The following CDH18 variants were observed in gnomAD, a reference collection of about 807,000 sequenced individuals.
CDH18 encodes the protein cadherin-18.
In CDH18, 31 loss-of-function variants were observed where a neutral mutation model predicts 67.9. The observed-to-expected ratio is 0.46, with a 90% CI of 0.34 to 0.62. The LOEUF (loss-of-function observed/expected upper bound fraction) is 0.62, where lower values mean the gene tolerates loss of function less well. CDH18 is among the 20% of genes least tolerant of loss of function. The pLI, the probability that CDH18 is intolerant of heterozygous loss-of-function variation, is 0.01. For missense variants in CDH18, 890 were observed against 975.5 expected (o/e 0.91, Z 1.17); for synonymous variants, 362 against 347.2 (o/e 1.04, Z -0.48).
chr5:19,593,707 C>CCTCCTCCTT, intron 6 of CDH18, among the ~76,000 whole-genome samples: 12 of 33,400 alleles, frequency 3.6e-4, no homozygotes, highest in African/African-American at 1.3e-3. Context: ...TCCTCCTCCT[C>CCTCCTCCTT]CTTCTTCTTC....
intron 2 of CDH18, among the ~76,000 whole-genome samples, chr5:20,105,206 T>C (rs1285459988): frequency 1.3e-5 from 2 of 152,036 alleles, no homozygotes; most frequent in Admixed American, 1.3e-4. Context: ...AGTCTGCTCT[T>C]GAACTCCTGA....
chr5:19,913,067 A>C (rs1204042371), intron 2 of CDH18, among the ~76,000 whole-genome samples: 1 of 152,168 alleles, frequency 6.6e-6, no homozygotes, highest in Non-Finnish European at 1.5e-5. Context: ...AGAAAGAAAG[A>C]ATCAAGAAAA....
chr5:20,467,743 C>T (rs926883545), intron 1 of CDH18, among the ~76,000 whole-genome samples: 1 of 151,992 alleles, frequency 6.6e-6, no homozygotes, highest in African/African-American at 2.4e-5. Flanking sequence ...GAAAGAAAAA[C>T]CTGAGAATAA....
At chr5:19,545,227 G>A (rs1454804266) in intron 8 of CDH18, among the ~76,000 whole-genome samples, 1 of 152,094 alleles carries the variant, frequency 6.6e-6, no homozygotes, top group Non-Finnish European at 1.5e-5. Context: ...TATGTGAAAA[G>A]TGCTAGGGAA....
chr5:20,479,560 T>A (rs971394844), intron 1 of CDH18, among the ~76,000 whole-genome samples: 2 of 151,708 alleles, frequency 1.3e-5, no homozygotes, highest in Non-Finnish European at 2.9e-5. Context: ...TATTTGAAAA[T>A]ACACAGAGGA....
chr5:20,518,539 G>T (rs1024544008), intron 1 of CDH18, among the ~76,000 whole-genome samples: 23 of 152,232 alleles, frequency 1.5e-4, no homozygotes, highest in African/African-American at 5.5e-4. Flanking sequence ...GCACACTGAG[G>T]AAGATGTCTG....
At chr5:20,173,857 G>C (rs1737029875) in intron 2 of CDH18, among the ~76,000 whole-genome samples, 1 of 152,070 alleles carries the variant, frequency 6.6e-6, no homozygotes, top group African/African-American at 2.4e-5. Flanking sequence ...TGAATTTAGA[G>C]AATATTACGA....
At chr5:20,438,366 A>G (rs1040479679) in intron 1 of CDH18, among the ~76,000 whole-genome samples, 1 of 151,286 alleles carries the variant, frequency 6.6e-6, no homozygotes, top group African/African-American at 2.4e-5. Flanking sequence ...AGGTATCTAT[A>G]TACCCCACAT....
intron 5 of CDH18, among the ~76,000 whole-genome samples, chr5:19,635,314 A>T (rs1251612971): frequency 6.6e-6 from 1 of 152,196 alleles, no homozygotes; most frequent in Non-Finnish European, 1.5e-5. Context: ...TGACATAGAT[A>T]CATCAGATAT....
intron 1 of CDH18, among the ~76,000 whole-genome samples, chr5:20,446,000 A>T (rs943052675): frequency 2.6e-5 from 4 of 152,010 alleles, no homozygotes; most frequent in Admixed American, 6.6e-5. Context: ...GAACGAAAGG[A>T]TGATGTTATT....
chr5:19,738,125 T>C (rs1207600934), intron 4 of CDH18, among the ~76,000 whole-genome samples: 2 of 152,154 alleles, frequency 1.3e-5, no homozygotes, highest in Non-Finnish European at 2.9e-5. Context: ...TTTTATTTAT[T>C]ACCTATTTAG....
intron 4 of CDH18, among the ~76,000 whole-genome samples, chr5:19,725,320 C>G (rs1329731472): frequency 6.6e-6 from 1 of 152,174 alleles, no homozygotes. Context: ...AGGTAGGCAT[C>G]TACGACTAAA....
chr5:20,347,605 G>A (rs193229523), intron 1 of CDH18, among the ~76,000 whole-genome samples: 9 of 152,330 alleles, frequency 5.9e-5, no homozygotes, highest in Admixed American at 2.0e-4. Context: ...GCTGCTCACA[G>A]GGACTGTCCC....
intron 2 of CDH18, among the ~76,000 whole-genome samples, chr5:20,133,404 G>A (rs796152632): frequency 2.1e-4 from 32 of 152,130 alleles, no homozygotes; most frequent in African/African-American, 7.0e-4. Flanking sequence ...TCACTATCAC[G>A]AGAACACCAT....
At chr5:19,498,431 A>C (rs1742698736) in intron 11 of CDH18, among the ~76,000 whole-genome samples, 1 of 152,194 alleles carries the variant, frequency 6.6e-6, no homozygotes, top group South Asian at 2.1e-4. Context: ...CACAAAGGGA[A>C]ACTGTTCCGT....
chr5:19,762,613 G>T (rs1772516406), intron 3 of CDH18, among the ~76,000 whole-genome samples: 1 of 152,140 alleles, frequency 6.6e-6, no homozygotes, highest in Non-Finnish European at 1.5e-5. Flanking sequence ...TGTTGGAGAG[G>T]ATGTGGAGAA....
At chr5:19,782,297 C>T (rs959911762) in intron 3 of CDH18, among the ~76,000 whole-genome samples, 2 of 152,028 alleles carry the variant, frequency 1.3e-5, no homozygotes, top group African/African-American at 4.8e-5. Flanking sequence ...TCTCCTGAGA[C>T]CCACTCATTA....
chr5:19,601,650 T>C lies in CDH18; in HGVS notation c.812-10406A>G, dbSNP rs540505121. ...CAAAAATAGACAGACACTAAAATAA[T>C]AGAAAATTAAAAACCAATATTCCTT... On this transcript the variant is annotated intron_variant, in intron 6 of 12. Coordinates refer to ENST00000382275, the MANE Select transcript of CDH18 (RefSeq NM_004934.5). Among the ~76,000 whole-genome samples, 9 of 151,922 alleles carry C rather than the reference T, an allele frequency of 5.9e-5. No homozygotes were observed. In the East Asian group the frequency reaches 1.7e-3, roughly 29 times the overall value.
intron 2 of CDH18, among the ~76,000 whole-genome samples, chr5:20,233,078 A>G (rs539524080): frequency 1.3e-5 from 2 of 151,892 alleles, no homozygotes; most frequent in Non-Finnish European, 2.9e-5. Flanking sequence ...GAAACTCAGA[A>G]CATTTTCCTC....
Sources: gnomAD v4.1 joint callset for allele counts (sites outside exome capture counted in the v4.1 genomes callset) on GRCh38, gnomAD v4.1.1 for gene constraint, MANE v1.5 for transcripts, NCBI Gene and HGNC (gene_info 2026-07-23, HGNC 2026-07-21) for gene names.